Variants in MYH8 observed in about 807,000 individuals in gnomAD.
MYH8 encodes the protein myosin-8.
In MYH8, 168 loss-of-function variants were observed where a neutral mutation model predicts 233.2. That is an observed-to-expected ratio of 0.72 (90% CI 0.64 to 0.82). The LOEUF (loss-of-function observed/expected upper bound fraction) is 0.82, where lower values mean the gene tolerates loss of function less well. Ranked by LOEUF, MYH8 falls within the 40% of genes least tolerant of loss-of-function variation. The pLI is 0.00. For missense variants in MYH8, 1,995 were observed against 2,327.8 expected, an observed-to-expected ratio of 0.86 and a Z score of 2.94; for synonymous variants, 785 against 850.6, an observed-to-expected ratio of 0.92 and a Z score of 1.34.
chr17:10,416,118 C>T (rs968094298), intron 5 of MYH8, among the ~76,000 whole-genome samples: 1 of 152,096 alleles, frequency 6.6e-6, no homozygotes, highest in African/African-American at 2.4e-5. Flanking sequence ...ATCTCCTACT[C>T]CTCCCATTCC....
rs905970629 is a variant in MYH8 at position 10,400,230 on chromosome 17, C to T, written c.3735+160G>A. 6.6e-6 allele frequency among the ~76,000 whole-genome samples: 1 copy of T among 151,984 alleles called. No individual in the cohort carries two copies. Among genetic ancestry groups the T allele is most frequent in the Non-Finnish European group, 1.5e-5 (1 of 67,988 alleles). Reference sequence around the variant, plus strand: ...CGCTCCAAAAAAAAATCATCTTAATCGATCATAACCAGCATTTTAAAAAAT... The same window carrying T: ...CGCTCCAAAAAAAAATCATCTTAATTGATCATAACCAGCATTTTAAAAAAT... On this transcript the variant is annotated intron_variant, in intron 27 of 39. Transcript: ENST00000403437. This position sits in a 1 kb window ranked among gnomAD's most constrained non-coding sequence, Gnocchi z 4.0.
intron 39 of MYH8, among the ~76,000 whole-genome samples, chr17:10,391,377 G>T (rs2142165636): frequency 6.6e-6 from 1 of 152,236 alleles, no homozygotes; most frequent in Non-Finnish European, 1.5e-5. Flanking sequence ...CTTACAAATT[G>T]CTTAATAATA....
chr17:10,405,069 T>A (rs2072180480), intron 21 of MYH8, among the ~76,000 whole-genome samples: 1 of 152,164 alleles, frequency 6.6e-6, no homozygotes. Flanking sequence ...AGCGAATGAT[T>A]TGTCATCTCT....
At position 10,417,971 on chromosome 17, in the gene MYH8, T is replaced by C. The variant is rs376333758; in HGVS notation, c.511+674A>G. 9.9e-5 allele frequency among the ~76,000 whole-genome samples: 15 copies of C among 152,236 alleles called. No individual in the cohort carries two copies. In the East Asian group the frequency reaches 2.7e-3, roughly 27 times the overall value. On this transcript the variant is annotated intron_variant, in intron 5 of 39. Coordinates refer to ENST00000403437, the MANE Select transcript of MYH8 (RefSeq NM_002472.3). This position sits in a 1 kb window ranked among gnomAD's most constrained non-coding sequence, Gnocchi z 4.1. ...GTATTTCCAAAGGCAGTGCATTTGG[T>C]GTGTGAAGATAAAAGGTTTTAATGC...
chr17:10,408,953 T>A, intron 17 of MYH8, 144 bp downstream of exon 17: 1 of 742,490 alleles, frequency 1.3e-6, no homozygotes, highest in Non-Finnish European at 2.3e-6. Flanking sequence ...ACAGGAGTAG[T>A]ATTTCTTTGG....
At chr17:10,394,509 A>G in intron 34 of MYH8, 57 bp from the exon 35 acceptor site, 5 of 1,584,254 alleles carry the variant, frequency 3.2e-6, no homozygotes, top group Non-Finnish European at 4.3e-6. Context: ...TGAAGATCCC[A>G]GGAGATGAAC....
rs2072253789 is a variant in MYH8 at position 10,412,639 on chromosome 17, A to G, written c.1237T>C (p.Tyr413His). The change falls in exon 13 of 40, where the codon TAT becomes CAT. Residue 413 changes from tyrosine (Y) to histidine (H), a missense_variant. Tyr to His is a moderately conservative substitution (Grantham distance 83, BLOSUM62 2). Coordinates refer to ENST00000403437, the MANE Select transcript of MYH8 (RefSeq NM_002472.3). ...CYPRVKVGNE[Y>H]VTKGQTVQQV... Reference sequence around the variant, plus strand: ...TGCACAGTCTGGCCTTTGGTGACATACTCATTGCCAACCTTGACCCTAGGG... The same window carrying G: ...TGCACAGTCTGGCCTTTGGTGACATGCTCATTGCCAACCTTGACCCTAGGG... 6.2e-7 allele frequency: 1 copy of G among 1,614,082 alleles called. No individual in the cohort carries two copies. Among genetic ancestry groups the G allele is most frequent in the African/African-American group, 1.3e-5 (1 of 74,936 alleles).
chr17:10,414,510 T>C, intron 9 of MYH8, 26 bp from the exon 10 acceptor site: 1 of 1,474,442 alleles, frequency 6.8e-7, no homozygotes, highest in Non-Finnish European at 9.5e-7. Flanking sequence ...GATATCGAGT[T>C]TGAAAAAAGT....
In MYH8 at chr17:10,390,423, T is replaced by C; in HGVS notation, c.*31A>G. 2.5e-6 allele frequency: 4 copies of C among 1,612,538 alleles called. No individual in the cohort carries two copies. The highest frequency in any genetic ancestry group is 2.2e-5 in the South Asian group (2 of 91,016). Reference sequence around the variant, plus strand: ...AAAATAGCACATTTTGTGCCTTTCTTCAGCCTCTTGATAGCATCAGGCAGG... The same window carrying C: ...AAAATAGCACATTTTGTGCCTTTCTCCAGCCTCTTGATAGCATCAGGCAGG... On this transcript the variant is annotated 3_prime_UTR_variant, in exon 40 of 40. Transcript: ENST00000403437.
rs1016542146 is a variant in MYH8, at chr17:10,402,760, T to C, written c.2689-975A>G. 3.3e-5 allele frequency among the ~76,000 whole-genome samples: 5 copies of C among 152,176 alleles called. No individual in the cohort carries two copies. The South Asian group carries it at 8.3e-4, about 25-fold the overall frequency. On this transcript the variant is annotated intron_variant, in intron 22 of 39. Coordinates refer to ENST00000403437, the MANE Select transcript of MYH8 (RefSeq NM_002472.3). ...AATACTGTTATTACAAATGAAAATATTAATCACTGATACAATAATATTATC... is the reference window on the plus strand; with the variant it reads ...AATACTGTTATTACAAATGAAAATACTAATCACTGATACAATAATATTATC...
Position 10,391,947 on chromosome 17 carries a change from G to T in MYH8, c.5599C>A (p.Leu1867Met), listed in dbSNP as rs761050897. 1 of 1,614,086 alleles carries T rather than the reference G, an allele frequency of 6.2e-7. No homozygotes were observed. The highest frequency in any genetic ancestry group is 1.1e-5 in the South Asian group (1 of 91,066). The change falls in exon 39 of 40, where the codon CTG becomes ATG. Residue 1867 changes from leucine to methionine, a missense_variant. By Grantham distance (15) the Leu-to-Met change is conservative. Coordinates refer to ENST00000403437, the MANE Select transcript of MYH8 (RefSeq NM_002472.3). The part of the protein sequence containing the change: ...TEEDRKNVLR[L>M]QDLVDKLQAK... ...TGTAATTTATCTACCAAGTCCTGCA[G>T]CCTGAGAACATTCTTGCGATCTTCT...
In MYH8 at chr17:10,420,210, G is replaced by T; in HGVS notation, c.18C>A (p.Asp6Glu). 6.2e-7 allele frequency: 1 copy of T among 1,613,352 alleles called. No homozygotes were observed. Among genetic ancestry groups the T allele is most frequent in the Non-Finnish European group, 8.5e-7 (1 of 1,180,034 alleles). Residue 6 changes from aspartate to glutamate, a missense_variant, in exon 3 of 40, where the codon GAC becomes GAA. Coordinates refer to ENST00000403437, the MANE Select transcript of MYH8 (RefSeq NM_002472.3). MSASS[D>E]AEMAVFGEAA... is the part of the protein sequence containing the mutation. The stretch of plus-strand genomic sequence containing the variant: ...CTTCGCCAAAAACAGCCATCTCAGC[G>T]TCTGAGCTCGCACTCATGGCTGCGA...
Position 10,398,851 on chromosome 17 carries a change from A to T in MYH8, c.3898T>A (p.Leu1300Ile). 6.2e-7 allele frequency: 1 copy of T among 1,613,734 alleles called. No homozygotes were observed. The highest frequency in any genetic ancestry group is 8.5e-7 in the Non-Finnish European group (1 of 1,180,038). Reference sequence around the variant, plus strand: ...TTGCTCCTTGAAAGCTGAGAGACTAAAGCATCTTTCTCATCTAATTGTCGA... The same window carrying T: ...TTGCTCCTTGAAAGCTGAGAGACTATAGCATCTTTCTCATCTAATTGTCGA... ...YSRQLDEKDA[L>I]VSQLSRSKQA... is the part of the protein sequence containing the mutation. Residue 1300 changes from leucine (L) to isoleucine (I), a missense_variant, in exon 29 of 40, where the codon TTA (leucine) becomes ATA (isoleucine). This residue lies in a region of MYH8 where 1,498 missense variants were observed against 1,680.9 expected (regional missense o/e 0.89). Coordinates refer to ENST00000403437, the MANE Select transcript of MYH8 (RefSeq NM_002472.3).
In MYH8 at chr17:10,401,581, C is replaced by G. The variant is rs2072143524; in HGVS notation, c.2893G>C (p.Ala965Pro). The change falls in exon 23 of 40, where the codon GCC becomes CCC. Residue 965 changes from alanine (A) to proline (P), a missense_variant. Physicochemically the swap from Ala to Pro is conservative, Grantham distance 27. Transcript: ENST00000403437. ...GCATGTTTCTCCTTCTCAACCTTGGCCAGTGTCAGCTCAAGGTCATCAATG... is the reference window on the plus strand; with the variant it reads ...GCATGTTTCTCCTTCTCAACCTTGGGCAGTGTCAGCTCAAGGTCATCAATG... ...KDIDDLELTLAKVEKEKHATE... is the reference protein window; with the variant it reads ...KDIDDLELTLPKVEKEKHATE... The G allele has an allele frequency of 1.2e-6, 2 of 1,614,140 alleles. No homozygotes were observed. The highest frequency in any genetic ancestry group is 1.7e-6 in the Non-Finnish European group (2 of 1,180,020).
intron 39 of MYH8, among the ~76,000 whole-genome samples, chr17:10,390,920 T>C (rs2072015749): frequency 6.6e-6 from 1 of 152,186 alleles, no homozygotes; most frequent in Non-Finnish European, 1.5e-5. Context: ...AAATTATAAT[T>C]GGGGAAATAC....
At position 10,396,179 on chromosome 17, in the gene MYH8, G is replaced by T. The variant is rs1308069427; in HGVS notation, c.4653+151C>A. 24 of 903,924 alleles carry T rather than the reference G, an allele frequency of 2.7e-5. No homozygotes were observed. The highest frequency in any genetic ancestry group is 4.5e-5 in the Admixed American group (2 of 44,212). 56.0% of individuals were successfully genotyped at this position (903,924 alleles called of 1,614,324 possible). On this transcript the variant is annotated intron_variant, in intron 33 of 39. Transcript: ENST00000403437. This position sits in a 1 kb window ranked among gnomAD's most constrained non-coding sequence, Gnocchi z 4.2. ...AAAATCTTAGAAATAGAATTGATAG[G>T]TCAGAGTATTTACATTTTTAAGGAT...
At chr17:10,393,051 G>A (rs574711257) in intron 36 of MYH8, 34 bp downstream of exon 36, 2 of 1,614,236 alleles carry the variant, frequency 1.2e-6, no homozygotes, top group East Asian at 2.2e-5. Flanking sequence ...GATAGCAGGT[G>A]CATACGTGTC....
chr17:10,394,781 T>C (rs1743156322), intron 34 of MYH8, among the ~76,000 whole-genome samples: 2 of 152,202 alleles, frequency 1.3e-5, no homozygotes, highest in South Asian at 4.1e-4. Flanking sequence ...GTGAGGTGGG[T>C]AGTTTCATTC....
Position 10,415,951 on chromosome 17 carries a change from A to G in MYH8, c.512-243T>C, listed in dbSNP as rs2072286482. On this transcript the variant is annotated intron_variant, in intron 5 of 39. Coordinates refer to ENST00000403437, the MANE Select transcript of MYH8 (RefSeq NM_002472.3). The surrounding 1 kb of genome is among the most constrained non-coding windows in gnomAD (Gnocchi z 4.1). ...AATTTTTAATTGCGATGAGATACAC[A>G]TAACATAAAATTTACCATCTTAACC... is the stretch of plus-strand genomic sequence containing the variant. Among the ~76,000 whole-genome samples, 1 of 152,204 alleles carries G rather than the reference A, an allele frequency of 6.6e-6. No homozygotes were observed. Among genetic ancestry groups the G allele is most frequent in the Non-Finnish European group, 1.5e-5 (1 of 68,034 alleles).
Sources: gnomAD v4.1 joint callset for allele counts (sites outside exome capture counted in the v4.1 genomes callset) on GRCh38, gnomAD v4.1.1 for gene constraint, gnomAD v4.1.1 regional missense constraint, Gnocchi (gnomAD v3.1) non-coding constraint, MANE v1.5 for transcripts, NCBI Gene and HGNC (gene_info 2026-07-23, HGNC 2026-07-21) for gene names.